MAPKAPK2: variants seen among roughly 807,000 people sequenced by gnomAD.
MAPKAPK2 encodes MAP kinase-activated protein kinase 2.
A neutral mutation model predicts 48.8 loss-of-function variants in MAPKAPK2; 9 were observed. That is an observed-to-expected ratio of 0.18 (90% CI 0.11 to 0.32). The LOEUF (loss-of-function observed/expected upper bound fraction) is 0.32, where lower values mean the gene tolerates loss of function less well. MAPKAPK2 is among the 10% of genes least tolerant of loss of function. The pLI is 1.00. For missense variants in MAPKAPK2, 331 were observed against 498.3 expected, an observed-to-expected ratio of 0.66 and a Z score of 3.20; for synonymous variants, 202 against 190.6, an observed-to-expected ratio of 1.06 and a Z score of -0.49.
intron 1 of MAPKAPK2, among the ~76,000 whole-genome samples, chr1:206,723,427 G>C (rs1673604888): frequency 6.6e-6 from 1 of 152,164 alleles, no homozygotes; most frequent in African/African-American, 2.4e-5. Flanking sequence ...CCATGAGGTG[G>C]GGACTATTAC....
chr1:206,688,727 TC>T (rs1553425913), intron 1 of MAPKAPK2, among the ~76,000 whole-genome samples: 1 of 152,136 alleles, frequency 6.6e-6, no homozygotes, highest in African/African-American at 2.4e-5. Context: ...AAGCTCTGCT[TC>T]CCAGGTCCAC....
chr1:206,691,975 A>G (rs907920422), intron 1 of MAPKAPK2, among the ~76,000 whole-genome samples: 3 of 152,226 alleles, frequency 2.0e-5, no homozygotes, highest in Non-Finnish European at 2.9e-5. Flanking sequence ...GTAATTTAGC[A>G]GGGTGTGCAT....
At chr1:206,721,027 C>T (rs1254957206) in intron 1 of MAPKAPK2, among the ~76,000 whole-genome samples, 6 of 152,112 alleles carry the variant, frequency 3.9e-5, no homozygotes, top group South Asian at 2.1e-4. Flanking sequence ...TTGTTTCTCC[C>T]AAATCTCATG....
Position 206,731,807 on chromosome 1 carries a change from C to T in MAPKAPK2, c.979-32C>T. 2 of 1,612,860 alleles carry T rather than the reference C, an allele frequency of 1.2e-6. No individual in the cohort carries two copies. The highest frequency in any genetic ancestry group is 1.7e-6 in the Non-Finnish European group (2 of 1,178,888). On this transcript the variant is annotated intron_variant, in intron 8 of 9. Transcript: ENST00000367103. This position sits in a 1 kb window ranked among gnomAD's most constrained non-coding sequence, Gnocchi z 5.9. ...GTCTTAGCCAGGACCCTACCCCAGG[C>T]TTTCACTCGGACCCCTTTTCTCTCT...
Position 206,711,220 on chromosome 1 carries a change from A to G in MAPKAPK2, c.280-17490A>G, listed in dbSNP as rs1170403078. 3.3e-5 allele frequency among the ~76,000 whole-genome samples: 5 copies of G among 152,198 alleles called. No homozygotes were observed. The East Asian group carries it at 9.6e-4, about 29-fold the overall frequency. ...ATCAGACTATATGTATCAAATTACA[A>G]CTTGCTTTTTTCATGGAAGTTTTTT... On this transcript the variant is annotated intron_variant, in intron 1 of 9. Coordinates refer to ENST00000367103, the MANE Select transcript of MAPKAPK2 (RefSeq NM_032960.4).
chr1:206,708,412 C>G (rs1202857944), intron 1 of MAPKAPK2, among the ~76,000 whole-genome samples: 1 of 152,204 alleles, frequency 6.6e-6, no homozygotes, highest in Non-Finnish European at 1.5e-5. Context: ...TTATACCAAA[C>G]CACCTAGATT....
intron 1 of MAPKAPK2, among the ~76,000 whole-genome samples, chr1:206,719,481 A>G (rs1197095127): frequency 1.3e-5 from 2 of 152,234 alleles, no homozygotes; most frequent in Non-Finnish European, 2.9e-5. Context: ...CTCCCAACCA[A>G]ATGTTTGGGA....
chr1:206,712,752 G>A (rs971918647), intron 1 of MAPKAPK2, among the ~76,000 whole-genome samples: 9 of 152,012 alleles, frequency 5.9e-5, no homozygotes, highest in African/African-American at 2.2e-4. Flanking sequence ...AATGACTTGA[G>A]GTCAGGAGTT....
At chr1:206,696,191 C>A (rs183864138) in intron 1 of MAPKAPK2, 2 of 1,536,518 alleles carry the variant, frequency 1.3e-6, no homozygotes, top group African/African-American at 2.7e-5. Flanking sequence ...ACACCAAATA[C>A]ATTCTCTCCT....
chr1:206,721,471 G>A (rs1190745951), intron 1 of MAPKAPK2, among the ~76,000 whole-genome samples: 2 of 152,150 alleles, frequency 1.3e-5, no homozygotes, highest in African/African-American at 4.8e-5. Context: ...AATACCTGAG[G>A]ATGAAATTCT....
intron 1 of MAPKAPK2, among the ~76,000 whole-genome samples, chr1:206,712,974 A>ACACACG (rs1249826758): frequency 8.0e-5 from 12 of 150,080 alleles, no homozygotes; most frequent in African/African-American, 3.0e-4. Context: ...ACACACACAC[A>ACACACG]CACACACACA....
rs1244452768 is a variant in MAPKAPK2, at chr1:206,732,356, A to G, written c.1060-219A>G. 6.9e-7 allele frequency: 1 copy of G among 1,445,266 alleles called. No homozygotes were observed. The highest frequency in any genetic ancestry group is 9.1e-7 in the Non-Finnish European group (1 of 1,102,186). 89.5% of individuals were successfully genotyped at this position (1,445,266 alleles called of 1,614,324 possible). On this transcript the variant is annotated intron_variant, in intron 9 of 9. Coordinates refer to ENST00000367103, the MANE Select transcript of MAPKAPK2 (RefSeq NM_032960.4). This position sits in a 1 kb window ranked among gnomAD's most constrained non-coding sequence, Gnocchi z 4.4. ...GATCACTGGGGGGCTCTCAGGGAAC[A>G]GCAGCAGTGCCATAGCCAGGCTCTC... is the stretch of plus-strand genomic sequence containing the variant.
At chr1:206,689,024 G>A (rs782307306) in intron 1 of MAPKAPK2, among the ~76,000 whole-genome samples, 2 of 152,102 alleles carry the variant, frequency 1.3e-5, no homozygotes, top group Non-Finnish European at 2.9e-5. Context: ...GCTGCTTGCC[G>A]CTTCACTGTG....
Position 206,732,064 on chromosome 1 carries a change from C to CCAGG in MAPKAPK2, c.1059+147_1059+150dup. 1.2e-6 allele frequency: 2 copies of CCAGG among 1,614,174 alleles called. No individual in the cohort carries two copies. On this transcript the variant is annotated intron_variant, in intron 9 of 9. Coordinates refer to ENST00000367103, the MANE Select transcript of MAPKAPK2 (RefSeq NM_032960.4). The surrounding 1 kb of genome is among the most constrained non-coding windows in gnomAD (Gnocchi z 4.4). ...GGTGTCTTCATGACAAGAACAGCGA[C>CCAGG]CAGGCCACTTGGCTGACCAGGTTGT...
intron 1 of MAPKAPK2, among the ~76,000 whole-genome samples, chr1:206,698,337 T>C (rs1310038736): frequency 2.0e-5 from 3 of 152,172 alleles, no homozygotes; most frequent in Non-Finnish European, 2.9e-5. Flanking sequence ...ATTTAGAACA[T>C]TGATCCTTCC....
Position 206,723,863 on chromosome 1 carries a change from C to T in MAPKAPK2, c.280-4847C>T, listed in dbSNP as rs141011650. 6.6e-5 allele frequency among the ~76,000 whole-genome samples: 10 copies of T among 152,372 alleles called. No homozygotes were observed. The East Asian group carries it at 1.7e-3, about 26-fold the overall frequency. On this transcript the variant is annotated intron_variant, in intron 1 of 9. Transcript: ENST00000367103. The stretch of plus-strand genomic sequence containing the variant: ...GCTGTCCTAGAGCTTCCTTCCCAGG[C>T]AATGCGCTCTGTGGCTTGGGCCCCT...
chr1:206,732,816 C>G lies in MAPKAPK2; in HGVS notation c.*98C>G. The G allele has an allele frequency of 7.3e-7, 1 of 1,377,938 alleles. No homozygotes were observed. The highest frequency in any genetic ancestry group is 1.0e-6 in the Non-Finnish European group (1 of 1,001,648). The allele number at this position is 1,377,938 out of a possible 1,614,324, so 85.4% of individuals were successfully genotyped here. A position where few individuals can be genotyped will look rare whatever the true frequency, so the allele number is the denominator to read the frequency against. On this transcript the variant is annotated 3_prime_UTR_variant, in exon 10 of 10. Transcript: ENST00000367103. The surrounding 1 kb of genome is among the most constrained non-coding windows in gnomAD (Gnocchi z 4.4). Reference sequence around the variant, plus strand: ...ACAGAACTGTCCACATCTGCCTCCTCTCCTCCTCAGCTGCATGGAGCCTGG... The same window carrying G: ...ACAGAACTGTCCACATCTGCCTCCTGTCCTCCTCAGCTGCATGGAGCCTGG...
At chr1:206,695,056 C>G (rs549282217) in intron 1 of MAPKAPK2, among the ~76,000 whole-genome samples, 13 of 152,316 alleles carry the variant, frequency 8.5e-5, no homozygotes, top group African/African-American at 3.1e-4. Context: ...CCCTGATGTG[C>G]TTTAGTGACC....
chr1:206,720,611 G>A (rs782163695), intron 1 of MAPKAPK2, among the ~76,000 whole-genome samples: 2 of 152,090 alleles, frequency 1.3e-5, no homozygotes, highest in Non-Finnish European at 1.5e-5. Context: ...TGCCCCCCTT[G>A]GCCTCCCAAA....
Sources: allele counts gnomAD v4.1 joint callset (sites outside exome capture counted in the v4.1 genomes callset), GRCh38; gene constraint gnomAD v4.1.1; non-coding constraint Gnocchi (gnomAD v3.1); transcripts MANE v1.5; gene names NCBI Gene and HGNC (gene_info 2026-07-23, HGNC 2026-07-21).